Variants in TMEM232 observed in about 807,000 individuals in gnomAD.
TMEM232 encodes transmembrane protein 232.
A neutral mutation model predicts 78.8 loss-of-function variants in TMEM232; 80 were observed. That is an observed-to-expected ratio of 1.01 (90% CI 0.85 to 1.22). The LOEUF is 1.22. Ranked by LOEUF, TMEM232 falls within the 50% of genes most tolerant of loss-of-function variation. The pLI is 0.00. For missense variants in TMEM232, 881 were observed against 742.2 expected (o/e 1.19, Z -2.17); for synonymous variants, 297 against 254.3 (o/e 1.17, Z -1.60).
At chr5:110,558,690 AC>A (rs1192618926) in intron 11 of TMEM232, among the ~76,000 whole-genome samples, 1 of 152,128 alleles carries the variant, frequency 6.6e-6, no homozygotes, top group Non-Finnish European at 1.5e-5. Context: ...AGCATGGTAA[AC>A]TTTGGAGGAT....
chr5:110,692,526 G>A (rs1310974631), intron 1 of TMEM232, among the ~76,000 whole-genome samples: 3 of 152,238 alleles, frequency 2.0e-5, no homozygotes, highest in Admixed American at 2.0e-4. Context: ...GGAAGCGCAA[G>A]GAGGCAGGGA....
intron 12 of TMEM232, among the ~76,000 whole-genome samples, chr5:110,468,511 A>G (rs1301746096): frequency 2.6e-5 from 4 of 152,124 alleles, no homozygotes; most frequent in Non-Finnish European, 4.4e-5. Context: ...TCAATGTAAA[A>G]GGAAAGGCTA....
intron 10 of TMEM232, among the ~76,000 whole-genome samples, chr5:110,597,127 G>C (rs1238457393): frequency 6.6e-6 from 1 of 152,096 alleles, no homozygotes; most frequent in Non-Finnish European, 1.5e-5. Context: ...CATTGTCTCA[G>C]CCCAAAATCT....
At chr5:110,639,701 A>G (rs1786393789) in intron 4 of TMEM232, among the ~76,000 whole-genome samples, 1 of 152,226 alleles carries the variant, frequency 6.6e-6, no homozygotes, top group African/African-American at 2.4e-5. Flanking sequence ...ACCCCTAATC[A>G]AATCACTAGC....
intron 3 of TMEM232, among the ~76,000 whole-genome samples, chr5:110,396,991 T>C (rs183331900): frequency 9.2e-5 from 14 of 152,138 alleles, no homozygotes; most frequent in Non-Finnish European, 1.8e-4. Context: ...CTCAGACAAC[T>C]CTTTATCTCT....
rs535260821 is a variant in TMEM232, at chr5:110,716,249, G to A, written c.-13+10378C>T. Among the ~76,000 whole-genome samples the A allele has an allele frequency of 2.2e-4, 33 of 152,264 alleles. No homozygotes were observed. In the South Asian group the frequency reaches 6.4e-3, roughly 30 times the overall value. ...GGGGGCCCCGATCTTTTTGGCACCA[G>A]AGACCAGTTTGGTGGAAGAAAATTT... On this transcript the variant is annotated intron_variant, in intron 1 of 13. Transcript: ENST00000455884.
At chr5:110,681,582 C>A (rs12109941) in intron 1 of TMEM232, among the ~76,000 whole-genome samples, 1,784 of 152,008 alleles carry the variant, frequency 0.012, 45 homozygotes, top group African/African-American at 0.04. Flanking sequence ...CTATCTTCAT[C>A]CGAAAAAAGG....
At chr5:110,704,465 C>A (rs992929625) in intron 1 of TMEM232, among the ~76,000 whole-genome samples, 1 of 152,130 alleles carries the variant, frequency 6.6e-6, no homozygotes, top group East Asian at 1.9e-4. Flanking sequence ...TTCCAAAATA[C>A]TGGACCAGGT....
At chr5:110,459,978 C>T (rs1030112538) in intron 12 of TMEM232, among the ~76,000 whole-genome samples, 1 of 151,952 alleles carries the variant, frequency 6.6e-6, no homozygotes, top group Admixed American at 6.6e-5. Flanking sequence ...TTAAGAACCA[C>T]GAAGAAAGGT....
chr5:110,629,357 C>G (rs1784827178), intron 5 of TMEM232, among the ~76,000 whole-genome samples: 1 of 152,006 alleles, frequency 6.6e-6, no homozygotes, highest in Non-Finnish European at 1.5e-5. Context: ...TTCACCTGAC[C>G]CAGAGACTAT....
intron 1 of TMEM232, among the ~76,000 whole-genome samples, chr5:110,705,949 G>A (rs1795893540): frequency 6.6e-6 from 1 of 151,806 alleles, no homozygotes; most frequent in Non-Finnish European, 1.5e-5. Context: ...GTTGGGAAGG[G>A]AAAAGGAATG....
chr5:110,658,795 A>C (rs1789423334), intron 2 of TMEM232, among the ~76,000 whole-genome samples: 1 of 152,164 alleles, frequency 6.6e-6, no homozygotes, highest in Non-Finnish European at 1.5e-5. Flanking sequence ...AGATGGACAA[A>C]TTGCCTGCAT....
At chr5:110,662,118 A>C (rs1193808985) in intron 2 of TMEM232, among the ~76,000 whole-genome samples, 2 of 152,200 alleles carry the variant, frequency 1.3e-5, no homozygotes, top group Non-Finnish European at 2.9e-5. Context: ...AGAATTAATA[A>C]GAAAATTTAG....
intron 8 of TMEM232, among the ~76,000 whole-genome samples, 170 bp downstream of exon 8, chr5:110,618,259 G>T (rs2149891904): frequency 6.6e-6 from 1 of 152,250 alleles, no homozygotes; most frequent in South Asian, 2.1e-4. Context: ...ATGTATTGAT[G>T]AAATGAATTA....
At chr5:110,532,567 T>C (rs1055975939) in intron 11 of TMEM232, among the ~76,000 whole-genome samples, 9 of 152,122 alleles carry the variant, frequency 5.9e-5, no homozygotes, top group Middle Eastern at 3.4e-3. Context: ...TAAGCACTCC[T>C]TTTTAGTATC....
At chr5:110,551,857 T>C (rs1774507516) in intron 11 of TMEM232, among the ~76,000 whole-genome samples, 1 of 152,122 alleles carries the variant, frequency 6.6e-6, no homozygotes, top group Admixed American at 6.5e-5. Flanking sequence ...TTATAAATAC[T>C]AAAAATATGT....
In TMEM232 at chr5:110,616,644, A is replaced by G. The variant is rs140669850; in HGVS notation, c.902+1785T>C. On this transcript the variant is annotated intron_variant, in intron 8 of 13. Coordinates refer to ENST00000455884, the MANE Select transcript of TMEM232 (RefSeq NM_001039763.4). ...AGCCCAATGAAAAAATGGGTAAAGG[A>G]CCTAAACAGACATTTCTCAAAAGAA... is the stretch of plus-strand genomic sequence containing the variant. Among the ~76,000 whole-genome samples, 105 of 152,244 alleles carry G rather than the reference A, an allele frequency of 6.9e-4. 1 individual carries two copies. The highest frequency in any genetic ancestry group is 2.5e-3 in the African/African-American group (103 of 41,576).
chr5:110,633,779 C>T (rs750649985), intron 5 of TMEM232, among the ~76,000 whole-genome samples: 2 of 152,074 alleles, frequency 1.3e-5, no homozygotes, highest in African/African-American at 2.4e-5. Context: ...TTCTTTATAG[C>T]AGTGTGAAAA....
chr5:110,630,762 C>T (rs770913917), intron 5 of TMEM232, among the ~76,000 whole-genome samples: 1 of 152,042 alleles, frequency 6.6e-6, no homozygotes, highest in Admixed American at 6.5e-5. Flanking sequence ...TGAACTAATA[C>T]AGAAGGGAAG....
Sources: allele counts gnomAD v4.1 joint callset (sites outside exome capture counted in the v4.1 genomes callset), GRCh38; gene constraint gnomAD v4.1.1; transcripts MANE v1.5; gene names NCBI Gene and HGNC (gene_info 2026-07-23, HGNC 2026-07-21).